The following PPP1R12A variants were observed in gnomAD, a reference collection of about 807,000 sequenced individuals.
PPP1R12A encodes the protein protein phosphatase 1 regulatory subunit 12A, also known as myosin binding subunit.
In PPP1R12A, 19 loss-of-function variants were observed where a neutral mutation model predicts 139.6. The ratio of observed to expected loss-of-function variants is 0.14; its 90% confidence interval spans 0.09 to 0.20. The LOEUF (loss-of-function observed/expected upper bound fraction) is 0.20. Among genes scored for constraint, PPP1R12A ranks in the 10% least tolerant of loss-of-function variants. The pLI is 1.00. For synonymous variants in PPP1R12A, 427 were observed against 420.6 expected (o/e 1.02, Z -0.19); for missense variants, 925 against 1,211.5 (o/e 0.76, Z 3.51).
intron 14 of PPP1R12A, among the ~76,000 whole-genome samples, chr12:79,799,296 A>T (rs1196061120): frequency 6.6e-6 from 1 of 152,038 alleles, no homozygotes; most frequent in Non-Finnish European, 1.5e-5. Context: ...CTACCTGCAC[A>T]TACCACCACG....
intron 1 of PPP1R12A, among the ~76,000 whole-genome samples, chr12:79,933,169 A>G (rs776476679): frequency 3.2e-4 from 48 of 152,238 alleles, no homozygotes; most frequent in Middle Eastern, 3.2e-3. Context: ...AAATTAATGA[A>G]ATTGAGAAAG....
chr12:79,915,270 A>G (rs1320695178), intron 1 of PPP1R12A, among the ~76,000 whole-genome samples: 1 of 152,120 alleles, frequency 6.6e-6, no homozygotes, highest in Non-Finnish European at 1.5e-5. Flanking sequence ...GTTTATGTAT[A>G]AATTTGTTAA....
At chr12:79,887,072 G>GT (rs1884171610) in intron 1 of PPP1R12A, among the ~76,000 whole-genome samples, 2 of 152,254 alleles carry the variant, frequency 1.3e-5, no homozygotes, top group South Asian at 2.1e-4. Flanking sequence ...ACGTAATGCA[G>GT]TAAGTCATTC....
intron 3 of PPP1R12A, among the ~76,000 whole-genome samples, chr12:79,836,533 G>A (rs1047060332): frequency 3.3e-5 from 5 of 151,572 alleles, no homozygotes; most frequent in East Asian, 1.9e-4. Context: ...CTTCCAAATC[G>A]TGCTCACATC....
At chr12:79,893,968 G>A (rs1474208697) in intron 1 of PPP1R12A, among the ~76,000 whole-genome samples, 1 of 152,088 alleles carries the variant, frequency 6.6e-6, no homozygotes, top group Non-Finnish European at 1.5e-5. Flanking sequence ...ATTATCACCT[G>A]TGCCCTCTAT....
At chr12:79,860,712 A>T (rs1881218418) in intron 2 of PPP1R12A, among the ~76,000 whole-genome samples, 1 of 152,212 alleles carries the variant, frequency 6.6e-6, no homozygotes, top group Non-Finnish European at 1.5e-5. Flanking sequence ...ATAAAACAAA[A>T]TTAAAATTTT....
chr12:79,896,647 C>T (rs1414116882), intron 1 of PPP1R12A, among the ~76,000 whole-genome samples: 1 of 152,148 alleles, frequency 6.6e-6, no homozygotes, highest in Non-Finnish European at 1.5e-5. Context: ...TATATTTATA[C>T]ATTTTCTTGC....
intron 3 of PPP1R12A, among the ~76,000 whole-genome samples, chr12:79,843,165 T>A (rs1878952518): frequency 1.3e-5 from 2 of 152,214 alleles, no homozygotes; most frequent in Non-Finnish European, 2.9e-5. Context: ...ATTTCACATT[T>A]TATTTATTCA....
chr12:79,858,565 G>C (rs543860348), intron 2 of PPP1R12A, among the ~76,000 whole-genome samples: 1 of 152,284 alleles, frequency 6.6e-6, no homozygotes, highest in Non-Finnish European at 1.5e-5. Flanking sequence ...TTTAAACAGA[G>C]TTGCCTAACT....
chr12:79,777,318 C>A (rs1869856361), intron 24 of PPP1R12A: 5 of 980,384 alleles, frequency 5.1e-6, no homozygotes, highest in African/African-American at 1.8e-5. Flanking sequence ...CAAAATCATC[C>A]CTAATTTTAA....
Position 79,846,130 on chromosome 12 carries a change from C to A in PPP1R12A, c.369-710G>T, listed in dbSNP as rs1879358143. 3.1e-5 allele frequency among the ~76,000 whole-genome samples: 4 copies of A among 128,440 alleles called. No homozygotes were observed. In the South Asian group the frequency reaches 1.0e-3, roughly 32 times the overall value. The allele number at this position is 128,440 out of a possible 152,430, so 84.3% of individuals were successfully genotyped here. ...CATTATTTTAAAATTAGCTATTAAA[C>A]CCACCACTAGGTCTTTTTAATATTT... On this transcript the variant is annotated intron_variant, in intron 2 of 24. Coordinates refer to ENST00000450142, the MANE Select transcript of PPP1R12A (RefSeq NM_002480.3).
chr12:79,932,440 T>C (rs966382949), intron 1 of PPP1R12A, among the ~76,000 whole-genome samples: 1 of 152,202 alleles, frequency 6.6e-6, no homozygotes, highest in Non-Finnish European at 1.5e-5. Context: ...AAATTTTTAA[T>C]GCTTGATATT....
intron 1 of PPP1R12A, among the ~76,000 whole-genome samples, chr12:79,875,658 T>A (rs1235077690): frequency 3.9e-5 from 6 of 152,214 alleles, no homozygotes; most frequent in African/African-American, 1.4e-4. Flanking sequence ...AAGATCTTTG[T>A]TGGAAAATTC....
chr12:79,860,819 C>A (rs1237323389), intron 2 of PPP1R12A, among the ~76,000 whole-genome samples: 2 of 152,010 alleles, frequency 1.3e-5, no homozygotes, highest in African/African-American at 4.8e-5. Flanking sequence ...CAAAACAAAA[C>A]CCTCAAAAAC....
intron 11 of PPP1R12A, among the ~76,000 whole-genome samples, chr12:79,807,543 A>G (rs2656042): frequency 1.6e-3 from 251 of 152,180 alleles, no homozygotes; most frequent in African/African-American, 5.9e-3. Context: ...AAATTCAGAT[A>G]TTTATAGAAA....
At chr12:79,847,658 C>T (rs1378620910) in intron 2 of PPP1R12A, among the ~76,000 whole-genome samples, 1 of 151,948 alleles carries the variant, frequency 6.6e-6, no homozygotes, top group African/African-American at 2.4e-5. Flanking sequence ...AGTTTATAGT[C>T]TAGTAAGACA....
In PPP1R12A at chr12:79,916,446, AC is replaced by A. The variant is rs373323630; in HGVS notation, c.237+18248del. Among the ~76,000 whole-genome samples the A allele has an allele frequency of 2.5e-3, 376 of 152,348 alleles. 1 individual carries two copies. The highest frequency in any genetic ancestry group is 8.1e-3 in the African/African-American group (336 of 41,582). The stretch of plus-strand genomic sequence containing the variant: ...CATAAAGAATGGGGCAAAAGAGCAT[AC>A]TGTATAAAACTGCTTTTCTAATTCT... On this transcript the variant is annotated intron_variant, in intron 1 of 24. Transcript: ENST00000450142.
intron 4 of PPP1R12A, among the ~76,000 whole-genome samples, chr12:79,829,867 T>C (rs1270857324): frequency 6.6e-6 from 1 of 152,010 alleles, no homozygotes; most frequent in Non-Finnish European, 1.5e-5. Flanking sequence ...AAAGACAGTA[T>C]CTATATTCAA....
intron 1 of PPP1R12A, among the ~76,000 whole-genome samples, chr12:79,924,962 C>T (rs970949743): frequency 5.3e-5 from 8 of 151,962 alleles, no homozygotes; most frequent in South Asian, 4.1e-4. Context: ...CATGTAATCA[C>T]GGATATTTAT....
Sources: allele counts gnomAD v4.1 joint callset (sites outside exome capture counted in the v4.1 genomes callset), GRCh38; gene constraint gnomAD v4.1.1; transcripts MANE v1.5; gene names NCBI Gene and HGNC (gene_info 2026-07-23, HGNC 2026-07-21).